The following WWOX variants were observed in gnomAD, a reference collection of about 807,000 sequenced individuals.
The protein encoded by WWOX is WW domain-containing oxidoreductase.
WWOX carries 69 observed loss-of-function variants against 46.2 expected under a neutral mutation model. The observed-to-expected ratio is 1.49, with a 90% CI of 1.23 to 1.82. WWOX has a LOEUF of 1.82. Among genes scored for constraint, WWOX ranks in the 40% most tolerant of loss-of-function variants. WWOX has a pLI of 0.00. For missense variants in WWOX, 919 were observed against 542.6 expected (o/e 1.69, Z -6.89); for synonymous variants, 359 against 202.6 (o/e 1.77, Z -6.56).
intron 8 of WWOX, among the ~76,000 whole-genome samples, chr16:78,849,884 C>G (rs2052398543): frequency 6.6e-6 from 1 of 152,046 alleles, no homozygotes; most frequent in African/African-American, 2.4e-5. Flanking sequence ...ACCAGCCTGA[C>G]CAACATGCAG....
intron 5 of WWOX, among the ~76,000 whole-genome samples, chr16:78,374,453 G>A (rs190978239): frequency 2.3e-4 from 35 of 150,190 alleles, no homozygotes; most frequent in African/African-American, 5.6e-4. Context: ...TCCAAATGAC[G>A]CACAAAATTT....
chr16:78,819,048 C>G (rs138555321), intron 8 of WWOX, among the ~76,000 whole-genome samples: 1 of 152,150 alleles, frequency 6.6e-6, no homozygotes, highest in African/African-American at 2.4e-5. Context: ...ACGATAACGG[C>G]GAAGCACTTA....
At chr16:78,804,703 T>G (rs1284952397) in intron 8 of WWOX, among the ~76,000 whole-genome samples, 5 of 152,226 alleles carry the variant, frequency 3.3e-5, no homozygotes, top group Non-Finnish European at 5.9e-5. Flanking sequence ...TTTTCTAATT[T>G]AGTGCTTGAT....
chr16:79,041,079 G>T (rs979457965), intron 8 of WWOX, among the ~76,000 whole-genome samples: 1 of 151,934 alleles, frequency 6.6e-6, no homozygotes, highest in East Asian at 1.9e-4. Context: ...AGAATGCAAT[G>T]TCCTAATACA....
intron 8 of WWOX, among the ~76,000 whole-genome samples, chr16:78,509,613 G>A (rs773642151): frequency 1.3e-5 from 2 of 152,126 alleles, no homozygotes; most frequent in African/African-American, 2.4e-5. Flanking sequence ...CCTGCATTCA[G>A]GGATACCAAC....
In WWOX at chr16:78,652,134, G is replaced by C. The variant is rs549206140; in HGVS notation, c.1056+219382G>C. Among the ~76,000 whole-genome samples, 945 of 152,054 alleles carry C rather than the reference G, an allele frequency of 6.2e-3. 3 individuals carry two copies. Among genetic ancestry groups the C allele is most frequent in the Non-Finnish European group, 0.01 (705 of 67,968 alleles). Reference sequence around the variant, plus strand: ...GGTCACTTAAAAGATGTTTGGGGCTGGGCGTGGTGGCTCACACCTGTAATC... The same window carrying C: ...GGTCACTTAAAAGATGTTTGGGGCTCGGCGTGGTGGCTCACACCTGTAATC... On this transcript the variant is annotated intron_variant, in intron 8 of 8. Transcript: ENST00000566780.
chr16:78,973,879 A>C (rs551362191), intron 8 of WWOX, among the ~76,000 whole-genome samples: 3 of 152,352 alleles, frequency 2.0e-5, no homozygotes, highest in African/African-American at 4.8e-5. Flanking sequence ...TCTATCTCCA[A>C]CTAGGGAAAA....
intron 8 of WWOX, among the ~76,000 whole-genome samples, chr16:79,034,419 ATACACTGC>A (rs1175934867): frequency 6.6e-6 from 1 of 152,234 alleles, no homozygotes; most frequent in Non-Finnish European, 1.5e-5. Context: ...TCCAAGGTGT[ATACACTGC>A]CTGGGCCTTG....
At chr16:78,468,738 C>T (rs1304609626) in intron 8 of WWOX, among the ~76,000 whole-genome samples, 1 of 152,162 alleles carries the variant, frequency 6.6e-6, no homozygotes, top group African/African-American at 2.4e-5. Flanking sequence ...TGGTACTTAC[C>T]TCAAAGAATT....
intron 5 of WWOX, among the ~76,000 whole-genome samples, chr16:78,339,797 T>A (rs1263352811): frequency 2.6e-5 from 3 of 117,624 alleles, no homozygotes; most frequent in African/African-American, 8.7e-5. Context: ...TGACCGCTGT[T>A]CTCTTTCATT....
intron 8 of WWOX, among the ~76,000 whole-genome samples, chr16:78,503,402 C>T (rs990458446): frequency 3.3e-5 from 5 of 152,086 alleles, no homozygotes; most frequent in African/African-American, 7.2e-5. Flanking sequence ...ATATCCCCCC[C>T]ATACTCCAGA....
chr16:78,808,462 C>G (rs189955700), intron 8 of WWOX, among the ~76,000 whole-genome samples: 2 of 152,246 alleles, frequency 1.3e-5, no homozygotes, highest in South Asian at 2.1e-4. Context: ...GTTATTGAAT[C>G]CATACTAACC....
At chr16:79,125,685 A>G (rs1347416820) in intron 8 of WWOX, among the ~76,000 whole-genome samples, 1 of 152,180 alleles carries the variant, frequency 6.6e-6, no homozygotes, top group African/African-American at 2.4e-5. Context: ...CCATGGACCA[A>G]GTGTCAACAA....
Position 78,142,427 on chromosome 16 carries a change from C to T in WWOX, c.410-21756C>T, listed in dbSNP as rs534270978. 2.3e-4 allele frequency among the ~76,000 whole-genome samples: 35 copies of T among 152,138 alleles called. 1 individual carries two copies. Among genetic ancestry groups the T allele is most frequent in the Non-Finnish European group, 4.7e-4 (32 of 68,026 alleles). On this transcript the variant is annotated intron_variant, in intron 4 of 8. Transcript: ENST00000566780. ...AAACATTTGTAAAAACATTATCAAGCTGCAAAAGAACTAGAAATGCTAGAT... is the reference window on the plus strand; with the variant it reads ...AAACATTTGTAAAAACATTATCAAGTTGCAAAAGAACTAGAAATGCTAGAT...
At chr16:79,192,983 C>T (rs1275527046) in intron 8 of WWOX, among the ~76,000 whole-genome samples, 1 of 152,228 alleles carries the variant, frequency 6.6e-6, no homozygotes, top group Non-Finnish European at 1.5e-5. Context: ...ACATTCCTTT[C>T]TGCTACTTCT....
chr16:78,563,500 C>A (rs1249549652), intron 8 of WWOX, among the ~76,000 whole-genome samples: 2 of 139,768 alleles, frequency 1.4e-5, no homozygotes, highest in African/African-American at 2.9e-5. Flanking sequence ...AACACACACA[C>A]ACACACACAC....
At chr16:79,003,947 C>T (rs1370546775) in intron 8 of WWOX, among the ~76,000 whole-genome samples, 1 of 152,156 alleles carries the variant, frequency 6.6e-6, no homozygotes, top group Non-Finnish European at 1.5e-5. Context: ...GGGGCCTTTG[C>T]TCTTTGCCCT....
At chr16:78,113,056 T>TA (rs2096742062) in intron 3 of WWOX, among the ~76,000 whole-genome samples, 1 of 152,186 alleles carries the variant, frequency 6.6e-6, no homozygotes. Context: ...CTGTGCAGTC[T>TA]TTGCCTTTGC....
intron 8 of WWOX, among the ~76,000 whole-genome samples, chr16:78,512,600 C>T (rs184353200): frequency 1.9e-4 from 29 of 152,206 alleles, no homozygotes; most frequent in African/African-American, 6.5e-4. Context: ...GCAAATAGGA[C>T]TTGAGTCCCC....
Sources: gnomAD v4.1 joint callset for allele counts (sites outside exome capture counted in the v4.1 genomes callset) on GRCh38, gnomAD v4.1.1 for gene constraint, MANE v1.5 for transcripts, NCBI Gene and HGNC (gene_info 2026-07-23, HGNC 2026-07-21) for gene names.